Variants in CNTFR observed in about 807,000 individuals in gnomAD.
CNTFR encodes ciliary neurotrophic factor receptor subunit alpha.
Under a neutral mutation model 40.4 loss-of-function variants are expected in CNTFR, and 12 were observed. That is an observed-to-expected ratio of 0.30 (90% CI 0.19 to 0.48). CNTFR has a LOEUF of 0.48. Among genes scored for constraint, CNTFR ranks in the 20% least tolerant of loss-of-function variants. The pLI, the probability that CNTFR is intolerant of heterozygous loss-of-function variation, is 0.99. For synonymous variants in CNTFR, 202 were observed against 209.6 expected, an observed-to-expected ratio of 0.96 and a Z score of 0.31; for missense variants, 414 against 506.8, an observed-to-expected ratio of 0.82 and a Z score of 1.76.
chr9:34,573,031 C>T (rs770327075), intron 2 of CNTFR, among the ~76,000 whole-genome samples: 3 of 152,336 alleles, frequency 2.0e-5, no homozygotes, highest in Non-Finnish European at 4.4e-5. Context: ...CAGCCGCCGT[C>T]GGTAACAAAC....
At chr9:34,585,297 G>C (rs1827489512) in intron 1 of CNTFR, among the ~76,000 whole-genome samples, 1 of 152,166 alleles carries the variant, frequency 6.6e-6, no homozygotes, top group East Asian at 1.9e-4. Flanking sequence ...GGAAAGTACA[G>C]GTAGGATATA....
At position 34,557,704 on chromosome 9, in the gene CNTFR, T is replaced by G. The variant is rs1006471401; in HGVS notation, c.438-12A>C. On this transcript the variant is annotated splice_polypyrimidine_tract_variant and intron_variant, in intron 5 of 9. Coordinates refer to ENST00000378980, the MANE Select transcript of CNTFR (RefSeq NM_147164.3). This position sits in a 1 kb window ranked among gnomAD's most constrained non-coding sequence, Gnocchi z 4.2. The stretch of plus-strand genomic sequence containing the variant: ...TTTTGGAGCCATGCCTGGGGAGAGG[T>G]GAGACCCAGGCACTGTTACGAACAT... 5 of 1,613,692 alleles carry G rather than the reference T, an allele frequency of 3.1e-6. No individual in the cohort carries two copies. Among genetic ancestry groups the G allele is most frequent in the Non-Finnish European group, 4.2e-6 (5 of 1,179,830 alleles).
In CNTFR at chr9:34,577,997, G is replaced by A. The variant is rs567512211; in HGVS notation, c.-1+3098C>T. ...GGCGGCGGGGGTGACAAGTCCTCCG[G>A]CCCTGTGGCCACTGACCTGGGTCCC... On this transcript the variant is annotated intron_variant, in intron 2 of 9. Transcript: ENST00000378980. Among the ~76,000 whole-genome samples, 1,188 of 151,648 alleles carry A rather than the reference G, an allele frequency of 7.8e-3. 14 individuals are homozygous for A. Among genetic ancestry groups the A allele is most frequent in the African/African-American group, 0.026 (1,090 of 41,482 alleles).
intron 7 of CNTFR, among the ~76,000 whole-genome samples, chr9:34,554,022 G>A (rs2183012): frequency 0.012 from 1,761 of 152,270 alleles, 21 homozygotes; most frequent in Non-Finnish European, 0.019. Context: ...AGCGGGGCAG[G>A]AAGCCCCTCC....
chr9:34,576,505 C>T (rs565176838), intron 2 of CNTFR, among the ~76,000 whole-genome samples: 1 of 152,312 alleles, frequency 6.6e-6, no homozygotes, highest in East Asian at 1.9e-4. Context: ...GTTGCCTAGC[C>T]GTGCCTGAGG....
chr9:34,584,138 C>G (rs955952219), intron 1 of CNTFR, among the ~76,000 whole-genome samples: 1 of 152,180 alleles, frequency 6.6e-6, no homozygotes, highest in Admixed American at 6.5e-5. Flanking sequence ...CATCCTGAAG[C>G]TGGTCTTGAA....
At position 34,557,627 on chromosome 9, in the gene CNTFR, T is replaced by C. The variant is rs1445305267; in HGVS notation, c.503A>G (p.Tyr168Cys). The change falls in exon 6 of 10, where the codon TAC becomes TGC. Residue 168 changes from tyrosine to cysteine, a missense_variant. Coordinates refer to ENST00000378980, the MANE Select transcript of CNTFR (RefSeq NM_147164.3). The surrounding 1 kb of genome is among the most constrained non-coding windows in gnomAD (Gnocchi z 4.2). ...PALKNRCHIR[Y>C]MHLFSTIKYK... ...CTTGATGGTGGAGAACAGGTGCATGTAGCGAATGTGGCAGCGGTTCTTGAG... is the reference window on the plus strand; with the variant it reads ...CTTGATGGTGGAGAACAGGTGCATGCAGCGAATGTGGCAGCGGTTCTTGAG... The C allele has an allele frequency of 1.2e-6, 2 of 1,614,212 alleles. No homozygotes were observed. The highest frequency in any genetic ancestry group is 1.7e-6 in the Non-Finnish European group (2 of 1,180,030).
chr9:34,557,569 C>T lies in CNTFR; in HGVS notation c.561G>A (p.Leu187=). 1 of 1,614,186 alleles carries T rather than the reference C, an allele frequency of 6.2e-7. No individual in the cohort carries two copies. The highest frequency in any genetic ancestry group is 8.5e-7 in the Non-Finnish European group (1 of 1,180,042). The stretch of plus-strand genomic sequence containing the variant: ...AGGTGATAGCTGTGGCATTGTGGCC[C>T]AGGGCATTGCTGACACTTATGGAGA... The part of the protein sequence containing the change: ...YKVSISVSNA[L]GHNATAITFD... Residue 187 remains leucine, a synonymous_variant, in exon 6 of 10, where the codon CTG becomes CTA. Transcript: ENST00000378980. The surrounding 1 kb of genome is among the most constrained non-coding windows in gnomAD (Gnocchi z 4.2).
At chr9:34,563,557 C>A (rs1463246643) in intron 4 of CNTFR, among the ~76,000 whole-genome samples, 1 of 152,252 alleles carries the variant, frequency 6.6e-6, no homozygotes, top group Non-Finnish European at 1.5e-5. Flanking sequence ...CCTTCACCTG[C>A]CAAACAAACT....
intron 2 of CNTFR, among the ~76,000 whole-genome samples, chr9:34,577,970 G>A (rs912813826): frequency 4.0e-5 from 6 of 151,216 alleles, no homozygotes; most frequent in Non-Finnish European, 4.4e-5. Flanking sequence ...CGGGGGCGTC[G>A]CGGCGGCGGG....
chr9:34,588,414 C>CA (rs1446372944), intron 1 of CNTFR, among the ~76,000 whole-genome samples: 1 of 152,180 alleles, frequency 6.6e-6, no homozygotes, highest in Non-Finnish European at 1.5e-5. Context: ...GATGCACAGA[C>CA]ACACCCAGCA....
rs763297645 is a variant in CNTFR at position 34,564,837 on chromosome 9, G to C, written c.86-5C>G. The C allele has an allele frequency of 3.7e-6, 6 of 1,611,596 alleles. No homozygotes were observed. In the African/African-American group the frequency reaches 4.0e-5, roughly 11 times the overall value. ...CGTACTGCACATGGGGTGCCTCTGT[G>C]GGGGGTGGGGGCACAGGGCAAAAGT... is the stretch of plus-strand genomic sequence containing the variant. On this transcript the variant is annotated splice_polypyrimidine_tract_variant and splice_region_variant and intron_variant, in intron 3 of 9. Transcript: ENST00000378980.
intron 2 of CNTFR, among the ~76,000 whole-genome samples, chr9:34,577,606 T>C (rs993177130): frequency 6.6e-6 from 1 of 152,132 alleles, no homozygotes; most frequent in African/African-American, 2.4e-5. Context: ...GCTCATCCCC[T>C]CTGTCTAGAT....
intron 1 of CNTFR, among the ~76,000 whole-genome samples, chr9:34,581,524 C>A (rs75151335): frequency 6.6e-6 from 1 of 152,234 alleles, no homozygotes; most frequent in Non-Finnish European, 1.5e-5. Flanking sequence ...ATATCACATG[C>A]ATCCTCACAT....
At position 34,557,774 on chromosome 9, in the gene CNTFR, G is replaced by A. The variant is rs1825908657; in HGVS notation, c.438-82C>T. ...AGGTTGAGGAAAGGTCAAGCCCAAGGCAGGGCTGGGGTATGGACAGAGGGC... is the reference window on the plus strand; with the variant it reads ...AGGTTGAGGAAAGGTCAAGCCCAAGACAGGGCTGGGGTATGGACAGAGGGC... On this transcript the variant is annotated intron_variant, in intron 5 of 9. Transcript: ENST00000378980. This position sits in a 1 kb window ranked among gnomAD's most constrained non-coding sequence, Gnocchi z 4.2. 2.5e-6 allele frequency: 4 copies of A among 1,580,452 alleles called. No homozygotes were observed. The East Asian group carries it at 6.7e-5, about 27-fold the overall frequency.
At chr9:34,569,027 G>A (rs1339758288) in intron 2 of CNTFR, 46 bp from the exon 3 acceptor site, 2 of 1,514,514 alleles carry the variant, frequency 1.3e-6, no homozygotes, top group Admixed American at 1.9e-5. Flanking sequence ...ATCAGCCCAG[G>A]CAGGACTGTC....
rs1170228989 is a variant in CNTFR at position 34,552,734 on chromosome 9, C to T, written c.889G>A (p.Ala297Thr). ...IGTWSDWSVA[A>T]HATPWTEEPR... ...TCCTCAGTCCAGGGCGTAGCGTGGG[C>T]GGCTACGCTCCAGTCACTCCATGTC... Residue 297 changes from alanine to threonine, a missense_variant, in exon 8 of 10, where the codon GCC becomes ACC. Around this residue, in one of 3 missense-constraint regions of CNTFR, gnomAD observed 83 missense variants for 145.0 expected, o/e 0.57. Transcript: ENST00000378980. The surrounding 1 kb of genome is among the most constrained non-coding windows in gnomAD (Gnocchi z 5.1). 9.3e-6 allele frequency: 15 copies of T among 1,613,670 alleles called. No individual in the cohort carries two copies. The highest frequency in any genetic ancestry group is 1.1e-5 in the Non-Finnish European group (13 of 1,179,956).
At chr9:34,574,044 T>G (rs1250081239) in intron 2 of CNTFR, among the ~76,000 whole-genome samples, 1 of 144,080 alleles carries the variant, frequency 6.9e-6, no homozygotes, top group Non-Finnish European at 1.5e-5. Flanking sequence ...GGGCTGAGGC[T>G]GGGAGGCCCC....
intron 4 of CNTFR, among the ~76,000 whole-genome samples, chr9:34,563,112 T>C (rs1209543779): frequency 6.6e-6 from 1 of 152,016 alleles, no homozygotes; most frequent in Admixed American, 6.6e-5. Flanking sequence ...TCCCAGACGC[T>C]CAGACCCACT....
Sources: allele counts gnomAD v4.1 joint callset (sites outside exome capture counted in the v4.1 genomes callset), GRCh38; gene constraint gnomAD v4.1.1; regional missense constraint gnomAD v4.1.1; non-coding constraint Gnocchi (gnomAD v3.1); transcripts MANE v1.5; gene names NCBI Gene and HGNC (gene_info 2026-07-23, HGNC 2026-07-21).